The following IL17RA variants were observed in gnomAD, a reference collection of about 807,000 sequenced individuals.
The protein encoded by IL17RA is interleukin-17 receptor A.
In IL17RA, 34 loss-of-function variants were observed where a neutral mutation model predicts 50.4. The ratio of observed to expected loss-of-function variants is 0.67; its 90% confidence interval spans 0.51 to 0.90. IL17RA has a LOEUF of 0.90. Among genes scored for constraint, IL17RA ranks in the 40% least tolerant of loss-of-function variants. The probability of loss-of-function intolerance (pLI) is 0.00; values close to 1 mark genes in which losing one functional copy is unlikely to be tolerated. For synonymous variants in IL17RA, 585 were observed against 510.4 expected, an observed-to-expected ratio of 1.15 and a Z score of -1.97; for missense variants, 1,276 against 1,169.8, an observed-to-expected ratio of 1.09 and a Z score of -1.32.
intron 5 of IL17RA, among the ~76,000 whole-genome samples, chr22:17,100,730 AT>A (rs1317441282): frequency 6.6e-6 from 1 of 152,164 alleles, no homozygotes; most frequent in Non-Finnish European, 1.5e-5. Flanking sequence ...CAGGAGTTTT[AT>A]GGGAACCAGA....
rs1177496212 is a variant in IL17RA at position 17,113,428 on chromosome 22, C to T, written c.*3608C>T. ...TCCAGGCTGGTCACGAACTCCTGGGCTCAAGCCATCTGCCCGCCTCATCCT... is the reference window on the plus strand; with the variant it reads ...TCCAGGCTGGTCACGAACTCCTGGGTTCAAGCCATCTGCCCGCCTCATCCT... On this transcript the variant is annotated 3_prime_UTR_variant, in exon 13 of 13. Transcript: ENST00000319363. 1 of 152,304 alleles carries T rather than the reference C, an allele frequency of 6.6e-6. No homozygotes were observed. Among genetic ancestry groups the T allele is most frequent in the Non-Finnish European group, 1.5e-5 (1 of 68,100 alleles). The allele number at this position is 152,304 out of a possible 1,614,324, so 9.4% of individuals were successfully genotyped here.
intron 2 of IL17RA, 56 bp downstream of exon 2, chr22:17,097,142 T>C: frequency 1.3e-6 from 2 of 1,522,480 alleles, no homozygotes; most frequent in Non-Finnish European, 1.8e-6. Flanking sequence ...AGTGAGAGCC[T>C]GCTGCCAACT....
At chr22:17,087,068 TCTC>T (rs1320358970) in intron 1 of IL17RA, among the ~76,000 whole-genome samples, 1 of 152,196 alleles carries the variant, frequency 6.6e-6, no homozygotes, top group African/African-American at 2.4e-5. Context: ...TTCCTCTCTC[TCTC>T]TTCTGTATAC....
Position 17,110,136 on chromosome 22 carries a change from A to C in IL17RA, c.*316A>C, listed in dbSNP as rs980952678. The C allele has an allele frequency of 1.0e-4, 41 of 406,848 alleles. No individual in the cohort carries two copies. Among genetic ancestry groups the C allele is most frequent in the Non-Finnish European group, 1.4e-4 (31 of 218,982 alleles). The allele number at this position is 406,848 out of a possible 1,614,324, so 25.2% of individuals were successfully genotyped here. On this transcript the variant is annotated 3_prime_UTR_variant, in exon 13 of 13. Coordinates refer to ENST00000319363, the MANE Select transcript of IL17RA (RefSeq NM_014339.7). ...TATGTGGCGGGCATTTGGGATACCA[A>C]GATAAATTGCATGCGGCATGGCCCC...
In IL17RA at chr22:17,108,517, A is replaced by G. The variant is rs1277805865; in HGVS notation, c.1298A>G (p.Lys433Arg). The change falls in exon 13 of 13, where the codon AAG (lysine) becomes AGG (arginine). Residue 433 changes from lysine to arginine, a missense_variant. Lys to Arg is a conservative substitution (Grantham distance 26, BLOSUM62 2). Coordinates refer to ENST00000319363, the MANE Select transcript of IL17RA (RefSeq NM_014339.7). The part of the protein sequence containing the change: ...AGVMTWVGRQ[K>R]QEMVESNSKI... Reference sequence around the variant, plus strand: ...GTCATGACCTGGGTGGGCCGTCAGAAGCAGGAGATGGTGGAGAGCAACTCT... The same window carrying G: ...GTCATGACCTGGGTGGGCCGTCAGAGGCAGGAGATGGTGGAGAGCAACTCT... The G allele has an allele frequency of 6.2e-7, 1 of 1,611,948 alleles. No individual in the cohort carries two copies. The highest frequency in any genetic ancestry group is 8.5e-7 in the Non-Finnish European group (1 of 1,180,028).
chr22:17,109,823 G>T lies in IL17RA; in HGVS notation c.*3G>T. ...AGTCAGAGGGGCCCAGTGCATGAGG[G>T]CGGCTCCCCAGGGACCGCCCAGATC... is the stretch of plus-strand genomic sequence containing the variant. On this transcript the variant is annotated 3_prime_UTR_variant, in exon 13 of 13. Coordinates refer to ENST00000319363, the MANE Select transcript of IL17RA (RefSeq NM_014339.7). 1 of 1,548,918 alleles carries T rather than the reference G, an allele frequency of 6.5e-7. No individual in the cohort carries two copies. The highest frequency in any genetic ancestry group is 8.7e-7 in the Non-Finnish European group (1 of 1,147,002).
intron 1 of IL17RA, among the ~76,000 whole-genome samples, chr22:17,092,754 TCTTC>T (rs1296733687): frequency 1.3e-5 from 2 of 152,088 alleles, no homozygotes; most frequent in African/African-American, 4.8e-5. Context: ...AAAAATAACT[TCTTC>T]CTTCTGTTTT....
chr22:17,098,509 C>G lies in IL17RA; in HGVS notation c.311-266C>G, dbSNP rs554387052. 1.2e-4 allele frequency among the ~76,000 whole-genome samples: 19 copies of G among 152,280 alleles called. No homozygotes were observed. The East Asian group carries it at 3.5e-3, about 28-fold the overall frequency. ...GTGTTTGACACCCATGCCAGATTGT[C>G]AAAGCCCTCACCACAAGTTTGCAAA... On this transcript the variant is annotated intron_variant, in intron 3 of 12. Transcript: ENST00000319363.
Position 17,108,467 on chromosome 22 carries a change from A to G in IL17RA, c.1248A>G (p.Glu416=). ...CGGAAGTGGCCCTGGACCTGCTGGA[A>G]GAGCAGGCCATCTCGGAGGCAGGAG... ...CGTEVALDLL[E]EQAISEAGVM... is the part of the protein sequence containing the mutation. The change falls in exon 13 of 13, where the codon GAA becomes GAG. Residue 416 remains glutamate, a synonymous_variant. Transcript: ENST00000319363. The G allele has an allele frequency of 1.2e-6, 2 of 1,613,776 alleles. No individual in the cohort carries two copies. Among genetic ancestry groups the G allele is most frequent in the Non-Finnish European group, 1.7e-6 (2 of 1,180,038 alleles).
At chr22:17,098,910 G>C (rs2061379268) in intron 4 of IL17RA, 23 bp downstream of exon 4, 1 of 1,578,052 alleles carries the variant, frequency 6.3e-7, no homozygotes, top group Non-Finnish European at 8.7e-7. Flanking sequence ...CTCCTGAGTG[G>C]ATTATGTTCC....
rs1169409028 is a variant in IL17RA, at chr22:17,098,869, G to C, written c.405G>C (p.Leu135=). The C allele has an allele frequency of 1.9e-6, 3 of 1,614,140 alleles. No homozygotes were observed. Among genetic ancestry groups the C allele is most frequent in the Non-Finnish European group, 2.5e-6 (3 of 1,179,970 alleles). ...TCAGGTTTGAGTTTCTGTCCAAACT[G>C]AGGCATCACCACAGGCGGGTAAGAA... The part of the protein sequence containing the change: ...LCVRFEFLSK[L]RHHHRRWRFT... Residue 135 remains leucine, a synonymous_variant, in exon 4 of 13, where the codon CTG becomes CTC. Coordinates refer to ENST00000319363, the MANE Select transcript of IL17RA (RefSeq NM_014339.7).
chr22:17,085,019 A>G lies in IL17RA; in HGVS notation c.-73A>G, dbSNP rs2061320313. 7.9e-7 allele frequency: 1 copy of G among 1,271,024 alleles called. No individual in the cohort carries two copies. Among genetic ancestry groups the G allele is most frequent in the Non-Finnish European group, 9.9e-7 (1 of 1,006,294 alleles). 78.7% of individuals were successfully genotyped at this position (1,271,024 alleles called of 1,614,324 possible). ...GGAGCCGACTCGAACTCCACCGCGGAAAAGAAAGCCTCAGAACGTTCGTTC... is the reference window on the plus strand; with the variant it reads ...GGAGCCGACTCGAACTCCACCGCGGGAAAGAAAGCCTCAGAACGTTCGTTC... On this transcript the variant is annotated 5_prime_UTR_variant, in exon 1 of 13. Transcript: ENST00000319363.
In IL17RA at chr22:17,102,285, A is replaced by G. The variant is rs372584256; in HGVS notation, c.745A>G (p.Met249Val). 4 of 1,614,048 alleles carry G rather than the reference A, an allele frequency of 2.5e-6. No homozygotes were observed. The highest frequency in any genetic ancestry group is 2.7e-5 in the African/African-American group (2 of 74,922). The change falls in exon 7 of 13, where the codon ATG becomes GTG. Residue 249 changes from methionine to valine, a missense_variant. Physicochemically the swap from Met to Val is conservative, Grantham distance 21. Coordinates refer to ENST00000319363, the MANE Select transcript of IL17RA (RefSeq NM_014339.7). The part of the protein sequence containing the change: ...HMENHSCFEH[M>V]HHIPAPRPEE... ...GGAGAACCACAGTTGCTTTGAGCAC[A>G]TGCACCACATACCTGCGGTAACTCT...
intron 1 of IL17RA, 190 bp downstream of exon 1, chr22:17,085,419 A>T: frequency 2.3e-5 from 12 of 527,778 alleles, no homozygotes; most frequent in Non-Finnish European, 2.9e-5. Flanking sequence ...GAGCGGTGGG[A>T]GTTGCGGTGT....
chr22:17,096,070 A>T (rs1283105998), intron 1 of IL17RA, among the ~76,000 whole-genome samples: 1 of 152,170 alleles, frequency 6.6e-6, no homozygotes, highest in African/African-American at 2.4e-5. Context: ...CTGCCTCAGC[A>T]TCTGACTTTC....
chr22:17,109,143 G>A lies in IL17RA; in HGVS notation c.1924G>A (p.Glu642Lys), dbSNP rs1346358296. 4.6e-6 allele frequency: 7 copies of A among 1,537,410 alleles called. No homozygotes were observed. Among genetic ancestry groups the A allele is most frequent in the African/African-American group, 1.4e-5 (1 of 73,334 alleles). ...CLAIDPLVGEEGGAAVAKLEP... is the reference protein window; with the variant it reads ...CLAIDPLVGEKGGAAVAKLEP... ...GGCCATAGACCCGCTGGTCGGGGAG[G>A]AAGGAGGAGCAGCAGTGGCAAAGCT... Residue 642 changes from glutamate to lysine, a missense_variant, in exon 13 of 13, where the codon GAA becomes AAA. By Grantham distance (56) the Glu-to-Lys change is moderately conservative (BLOSUM62 1). Transcript: ENST00000319363.
At chr22:17,085,441 G>A (rs1010250980) in intron 1 of IL17RA, among the ~76,000 whole-genome samples, 3 of 152,134 alleles carry the variant, frequency 2.0e-5, no homozygotes, top group African/African-American at 7.2e-5. Context: ...GAATACGGGG[G>A]GGGTGGGTGG....
chr22:17,087,008 A>G (rs5994158), intron 1 of IL17RA, among the ~76,000 whole-genome samples: 127,060 of 152,290 alleles, frequency 0.83, 53,817 homozygotes, highest in African/African-American at 0.96. Flanking sequence ...GGGAGGGCTG[A>G]AGAGAGACAC....
At position 17,111,596 on chromosome 22, in the gene IL17RA, T is replaced by C. The variant is rs1033770373; in HGVS notation, c.*1776T>C. The C allele has an allele frequency of 1.4e-4, 22 of 152,114 alleles. No homozygotes were observed. Among genetic ancestry groups the C allele is most frequent in the African/African-American group, 5.3e-4 (22 of 41,398 alleles). The allele number at this position is 152,114 out of a possible 1,614,324, so 9.4% of individuals were successfully genotyped here. On this transcript the variant is annotated 3_prime_UTR_variant, in exon 13 of 13. Transcript: ENST00000319363. ...TGGCTTCAGGGTCCTGAAGAACACATTGAGGTGCCGTCTGACACTGGAATA... is the reference window on the plus strand; with the variant it reads ...TGGCTTCAGGGTCCTGAAGAACACACTGAGGTGCCGTCTGACACTGGAATA...
Sources: gnomAD v4.1 joint callset for allele counts (sites outside exome capture counted in the v4.1 genomes callset) on GRCh38, gnomAD v4.1.1 for gene constraint, MANE v1.5 for transcripts, NCBI Gene and HGNC (gene_info 2026-07-23, HGNC 2026-07-21) for gene names.